The following CTNNA2 variants were observed in gnomAD, a reference collection of about 807,000 sequenced individuals.
CTNNA2 encodes the protein catenin alpha 2.
A neutral mutation model predicts 101.0 loss-of-function variants in CTNNA2; 42 were observed. The ratio of observed to expected loss-of-function variants is 0.42; its 90% confidence interval spans 0.32 to 0.54. CTNNA2 has a LOEUF of 0.54. CTNNA2 is among the 20% of genes least tolerant of loss of function. CTNNA2 has a pLI of 0.14. For synonymous variants in CTNNA2, 450 were observed against 456.4 expected, an observed-to-expected ratio of 0.99 and a Z score of 0.18; for missense variants, 871 against 1,223.1, an observed-to-expected ratio of 0.71 and a Z score of 4.29.
intron 2 of CTNNA2, among the ~76,000 whole-genome samples, chr2:79,282,305 G>A (rs1056545036): frequency 1.3e-5 from 2 of 151,930 alleles, no homozygotes; most frequent in South Asian, 4.2e-4. Flanking sequence ...TGTGCACAAT[G>A]TGCAGGTTAG....
chr2:79,301,980 C>T (rs1676122307), intron 2 of CTNNA2, among the ~76,000 whole-genome samples: 1 of 152,008 alleles, frequency 6.6e-6, no homozygotes. Context: ...GTAATCCCAG[C>T]TACTCAGAAG....
At chr2:80,046,871 A>G (rs940787444) in intron 7 of CTNNA2, among the ~76,000 whole-genome samples, 33 of 152,216 alleles carry the variant, frequency 2.2e-4, no homozygotes, top group Non-Finnish European at 3.7e-4. Context: ...TAGCTCAAGA[A>G]AGATTAATAA....
At chr2:80,281,514 A>T (rs780218248) in intron 7 of CTNNA2, among the ~76,000 whole-genome samples, 1 of 152,112 alleles carries the variant, frequency 6.6e-6, no homozygotes, top group Non-Finnish European at 1.5e-5. Flanking sequence ...ATTTCTCCTT[A>T]TGTCCTCCAA....
At chr2:79,462,653 A>G (rs1204383464) in intron 4 of CTNNA2, among the ~76,000 whole-genome samples, 1 of 152,190 alleles carries the variant, frequency 6.6e-6, no homozygotes, top group East Asian at 1.9e-4. Flanking sequence ...TACCTGCTGC[A>G]GATAGATAAT....
intron 3 of CTNNA2, among the ~76,000 whole-genome samples, chr2:79,845,084 T>C (rs1015570320): frequency 4.1e-5 from 6 of 147,934 alleles, no homozygotes; most frequent in African/African-American, 1.5e-4. Context: ...TATATGTGTA[T>C]ATATATATAT....
At chr2:79,319,267 G>A (rs766432779) in intron 3 of CTNNA2, among the ~76,000 whole-genome samples, 9 of 152,128 alleles carry the variant, frequency 5.9e-5, no homozygotes, top group African/African-American at 2.2e-4. Flanking sequence ...CAGGTCCTCA[G>A]CACCCTACTG....
chr2:80,075,823 AAATT>A (rs1265777271), intron 7 of CTNNA2, among the ~76,000 whole-genome samples: 1 of 146,234 alleles, frequency 6.8e-6, no homozygotes, highest in African/African-American at 2.5e-5. Flanking sequence ...TAATATTTAT[AAATT>A]AATTATTTTT....
intron 1 of CTNNA2, among the ~76,000 whole-genome samples, chr2:79,527,158 C>A (rs1199099457): frequency 2.0e-5 from 3 of 151,972 alleles, no homozygotes; most frequent in Non-Finnish European, 4.4e-5. Flanking sequence ...AGAATGATTA[C>A]AGCTTAATAG....
At chr2:79,877,249 G>A (rs4852538) in intron 6 of CTNNA2, among the ~76,000 whole-genome samples, 10,535 of 152,080 alleles carry the variant, frequency 0.069, 970 homozygotes, top group East Asian at 0.47. Context: ...CTGAATTGCA[G>A]TTTTGAAACA....
chr2:80,096,661 A>C (rs1476583886), intron 7 of CTNNA2, among the ~76,000 whole-genome samples: 2 of 152,250 alleles, frequency 1.3e-5, no homozygotes, highest in South Asian at 2.1e-4. Flanking sequence ...GTAGGTCACT[A>C]AGGACTTGCT....
chr2:80,468,615 G>C (rs1021428713), intron 9 of CTNNA2, among the ~76,000 whole-genome samples: 1 of 152,006 alleles, frequency 6.6e-6, no homozygotes, highest in African/African-American at 2.4e-5. Context: ...ACGGGGTTTC[G>C]CCATATTGGC....
intron 7 of CTNNA2, among the ~76,000 whole-genome samples, chr2:79,975,763 G>A (rs373327472): frequency 3.3e-5 from 5 of 152,310 alleles, no homozygotes; most frequent in East Asian, 3.9e-4. Context: ...GGCAAGGTAC[G>A]GGGAAGGGGA....
intron 2 of CTNNA2, among the ~76,000 whole-genome samples, chr2:79,259,148 C>G (rs558894246): frequency 6.6e-6 from 1 of 152,106 alleles, no homozygotes; most frequent in African/African-American, 2.4e-5. Context: ...AGTATTTTAT[C>G]GGCTATTTGT....
chr2:80,271,582 A>C (rs576082255), intron 7 of CTNNA2, among the ~76,000 whole-genome samples: 17 of 152,142 alleles, frequency 1.1e-4, no homozygotes, highest in African/African-American at 4.1e-4. Flanking sequence ...CCACCACGCC[A>C]GGCTAATTTT....
chr2:79,531,235 T>G (rs1672725590), intron 1 of CTNNA2, among the ~76,000 whole-genome samples: 1 of 122,230 alleles, frequency 8.2e-6, no homozygotes, highest in Admixed American at 8.7e-5. Flanking sequence ...TATATATATA[T>G]AGCTTGAGGG....
intron 2 of CTNNA2, among the ~76,000 whole-genome samples, chr2:79,215,850 C>G (rs13012847): frequency 6.6e-6 from 1 of 151,414 alleles, no homozygotes; most frequent in Non-Finnish European, 1.5e-5. Context: ...GGTGGAGGAG[C>G]AGAGGCTGAG....
In CTNNA2 at chr2:79,744,685, CG is replaced by C. The variant is rs374360278; in HGVS notation, c.298+104del. The C allele has an allele frequency of 3.3e-3, 3,649 of 1,115,932 alleles. 11 individuals are homozygous for C. The highest frequency in any genetic ancestry group is 0.012 in the Middle Eastern group (56 of 4,762). The allele number at this position is 1,115,932 out of a possible 1,614,324, so 69.1% of individuals were successfully genotyped here. On this transcript the variant is annotated intron_variant, in intron 3 of 18. Coordinates refer to ENST00000402739, the MANE Select transcript of CTNNA2 (RefSeq NM_001282597.3). Reference sequence around the variant, plus strand: ...ATATTTACTCAAAGAAGAAGTCTTACGTTTTTTTCCTTTCTATCTACACTTG... The same window carrying C: ...ATATTTACTCAAAGAAGAAGTCTTACTTTTTTTCCTTTCTATCTACACTTG...
chr2:79,796,393 T>G (rs1182085928), intron 3 of CTNNA2, among the ~76,000 whole-genome samples: 1 of 53,588 alleles, frequency 1.9e-5, no homozygotes. Flanking sequence ...AGACTCCGTC[T>G]CAAAAAAAAA....
chr2:80,087,093 C>CTGATAGTAACAAT (rs1294943213), intron 7 of CTNNA2, among the ~76,000 whole-genome samples: 36 of 152,088 alleles, frequency 2.4e-4, no homozygotes, highest in African/African-American at 8.4e-4. Context: ...CTTCCTTTGA[C>CTGATAGTAACAAT]TGATAGTAAC....
Sources: allele counts gnomAD v4.1 joint callset (sites outside exome capture counted in the v4.1 genomes callset), GRCh38; gene constraint gnomAD v4.1.1; transcripts MANE v1.5; gene names NCBI Gene and HGNC (gene_info 2026-07-23, HGNC 2026-07-21).